The following ZNRF2 variants were observed in gnomAD, a reference collection of about 807,000 sequenced individuals.
The protein encoded by ZNRF2 is E3 ubiquitin-protein ligase ZNRF2.
In ZNRF2, 16 loss-of-function variants were observed where a neutral mutation model predicts 20.4. The observed-to-expected ratio is 0.79, with a 90% CI of 0.53 to 1.19. ZNRF2 has a LOEUF of 1.19. Among genes scored for constraint, ZNRF2 ranks in the 50% most tolerant of loss-of-function variants. The probability of loss-of-function intolerance (pLI) is 0.00; values close to 1 mark genes in which losing one functional copy is unlikely to be tolerated. For synonymous variants in ZNRF2, 178 were observed against 144.9 expected (o/e 1.23, Z -1.64); for missense variants, 363 against 332.4 (o/e 1.09, Z -0.72).
chr7:30,333,214 C>T lies in ZNRF2; in HGVS notation c.565+9477C>T, dbSNP rs141377942. On this transcript the variant is annotated intron_variant, in intron 2 of 4. Transcript: ENST00000323037. ...GATTACAGGCGCCTGCCACCACACT[C>T]GGCTAATTTTTGTAGTTTTAGTAGA... 6.4e-3 allele frequency among the ~76,000 whole-genome samples: 971 copies of T among 151,640 alleles called. 6 individuals are homozygous for T. The highest frequency in any genetic ancestry group is 0.011 in the Non-Finnish European group (714 of 67,858).
intron 2 of ZNRF2, among the ~76,000 whole-genome samples, chr7:30,343,745 A>C (rs1799833963): frequency 6.6e-6 from 1 of 151,314 alleles, no homozygotes; most frequent in African/African-American, 2.4e-5. Flanking sequence ...TTTTGTATAC[A>C]CAGTACAGGG....
chr7:30,323,567 A>AT, intron 1 of ZNRF2, 75 bp from the exon 2 acceptor site: 2 of 1,029,582 alleles, frequency 1.9e-6, no homozygotes, highest in South Asian at 3.4e-5. Flanking sequence ...ACGCTTTTTG[A>AT]TTTTCCATGC....
At chr7:30,364,674 G>C (rs1800181845) in intron 4 of ZNRF2, among the ~76,000 whole-genome samples, 1 of 152,200 alleles carries the variant, frequency 6.6e-6, no homozygotes, top group Non-Finnish European at 1.5e-5. Context: ...AGCATTTTAA[G>C]GGAAGTACTG....
chr7:30,285,114 C>G lies in ZNRF2; in HGVS notation c.-244C>G, dbSNP rs747762834. ...AGCGAGGGGTGCCTGCAGCCGGGAC[C>G]CCTTCCTCTCCGCGTCTCCTCGTCT... On this transcript the variant is annotated 5_prime_UTR_variant, in exon 1 of 5. Transcript: ENST00000323037. 2.4e-6 allele frequency: 1 copy of G among 417,488 alleles called. No individual in the cohort carries two copies. The highest frequency in any genetic ancestry group is 1.7e-5 in the South Asian group (1 of 60,328). 25.9% of individuals were successfully genotyped at this position (417,488 alleles called of 1,614,324 possible).
intron 2 of ZNRF2, among the ~76,000 whole-genome samples, chr7:30,326,815 TTAA>T (rs1388123253): frequency 1.3e-5 from 2 of 152,202 alleles, no homozygotes; most frequent in African/African-American, 4.8e-5. Context: ...TTTTGACTTT[TTAA>T]TAATACGCAT....
intron 1 of ZNRF2, among the ~76,000 whole-genome samples, chr7:30,287,638 T>C (rs981155793): frequency 3.9e-5 from 6 of 152,062 alleles, no homozygotes; most frequent in Non-Finnish European, 2.9e-5. Flanking sequence ...TTTTCTTATC[T>C]AAGTTCTAGA....
chr7:30,314,298 T>G (rs1011554673), intron 1 of ZNRF2, among the ~76,000 whole-genome samples: 1 of 152,192 alleles, frequency 6.6e-6, no homozygotes, highest in African/African-American at 2.4e-5. Context: ...TTCTATACAT[T>G]TTATGGGGCA....
intron 3 of ZNRF2, among the ~76,000 whole-genome samples, chr7:30,356,039 T>C (rs933883725): frequency 4.6e-5 from 7 of 152,212 alleles, no homozygotes; most frequent in African/African-American, 1.7e-4. Context: ...TTTTAAAGCA[T>C]TTGCTATGAC....
Position 30,330,487 on chromosome 7 carries a change from G to A in ZNRF2, c.565+6750G>A, listed in dbSNP as rs150811283. On this transcript the variant is annotated intron_variant, in intron 2 of 4. Coordinates refer to ENST00000323037, the MANE Select transcript of ZNRF2 (RefSeq NM_147128.4). Reference sequence around the variant, plus strand: ...TTGTCAGGCTCACACAAATATTGCAGGTGATTGTATCAGGCTGTCAGCACC... The same window carrying A: ...TTGTCAGGCTCACACAAATATTGCAAGTGATTGTATCAGGCTGTCAGCACC... Among the ~76,000 whole-genome samples, 1,196 of 152,266 alleles carry A rather than the reference G, an allele frequency of 7.9e-3. 5 individuals carry two copies. Among genetic ancestry groups the A allele is most frequent in the Non-Finnish European group, 0.013 (864 of 68,012 alleles).
At chr7:30,356,670 A>G (rs980812731) in intron 3 of ZNRF2, among the ~76,000 whole-genome samples, 9 of 151,412 alleles carry the variant, frequency 5.9e-5, no homozygotes, top group African/African-American at 1.7e-4. Context: ...TAGAATTCCT[A>G]TAGAATGACA....
intron 2 of ZNRF2, among the ~76,000 whole-genome samples, chr7:30,348,509 A>G (rs942299467): frequency 1.3e-5 from 2 of 152,220 alleles, no homozygotes; most frequent in Non-Finnish European, 2.9e-5. Flanking sequence ...ACTCACAGCC[A>G]TGTTTTATTT....
chr7:30,286,962 A>C (rs1157344070), intron 1 of ZNRF2, among the ~76,000 whole-genome samples: 1 of 152,238 alleles, frequency 6.6e-6, no homozygotes, highest in African/African-American at 2.4e-5. Context: ...CATGTTCTGT[A>C]CTATCAGCAC....
chr7:30,342,586 G>A (rs1799813067), intron 2 of ZNRF2, among the ~76,000 whole-genome samples: 1 of 152,154 alleles, frequency 6.6e-6, no homozygotes, highest in Non-Finnish European at 1.5e-5. Flanking sequence ...TCTGCAGAGA[G>A]ATCCATTGTT....
At chr7:30,328,456 A>G (rs1013233148) in intron 2 of ZNRF2, among the ~76,000 whole-genome samples, 5 of 152,172 alleles carry the variant, frequency 3.3e-5, no homozygotes, top group Non-Finnish European at 2.9e-5. Context: ...GCTAGATCTG[A>G]AATTTTGAAA....
intron 4 of ZNRF2, 36 bp downstream of exon 4, chr7:30,362,492 C>T: frequency 7.7e-7 from 1 of 1,294,664 alleles, no homozygotes; most frequent in Non-Finnish European, 1.1e-6. Context: ...AAAGCGTTAG[C>T]CCAAATTATA....
chr7:30,343,218 G>A (rs915480070), intron 2 of ZNRF2, among the ~76,000 whole-genome samples: 1 of 152,002 alleles, frequency 6.6e-6, no homozygotes, highest in Non-Finnish European at 1.5e-5. Context: ...GGGAGGCTGA[G>A]GTGGGAGGAT....
At chr7:30,311,615 A>T (rs901217786) in intron 1 of ZNRF2, among the ~76,000 whole-genome samples, 1 of 152,220 alleles carries the variant, frequency 6.6e-6, no homozygotes, top group African/African-American at 2.4e-5. Context: ...GGGTAGTTGT[A>T]GGAAACTTGG....
intron 3 of ZNRF2, among the ~76,000 whole-genome samples, chr7:30,360,745 A>G (rs763425981): frequency 2.0e-5 from 3 of 152,218 alleles, no homozygotes; most frequent in East Asian, 1.9e-4. Context: ...AACAATTGCA[A>G]ATCTCAAATT....
chr7:30,316,585 G>C (rs1259697251), intron 1 of ZNRF2, among the ~76,000 whole-genome samples: 1 of 152,116 alleles, frequency 6.6e-6, no homozygotes, highest in African/African-American at 2.4e-5. Context: ...CTGCTATATT[G>C]TGTTATTGGA....
Sources: allele counts gnomAD v4.1 joint callset (sites outside exome capture counted in the v4.1 genomes callset), GRCh38; gene constraint gnomAD v4.1.1; transcripts MANE v1.5; gene names NCBI Gene and HGNC (gene_info 2026-07-23, HGNC 2026-07-21).